The following MRAP2 variants were observed in gnomAD, a reference collection of about 807,000 sequenced individuals.
MRAP2 encodes the protein melanocortin 2 receptor accessory protein 2.
Under a neutral mutation model 17.4 loss-of-function variants are expected in MRAP2, and 20 were observed. The observed-to-expected ratio is 1.15, with a 90% CI of 0.81 to 1.67. The LOEUF (loss-of-function observed/expected upper bound fraction) is 1.67. Ranked by LOEUF, MRAP2 falls within the 40% of genes most tolerant of loss-of-function variation. MRAP2 has a pLI of 0.00. For synonymous variants in MRAP2, 96 were observed against 88.4 expected, an observed-to-expected ratio of 1.09 and a Z score of -0.48; for missense variants, 238 against 240.0, an observed-to-expected ratio of 0.99 and a Z score of 0.05.
At chr6:84,122,375 A>AAAAAAAC in the MRAP2 span, among the ~76,000 whole-genome samples, 1 of 148,220 alleles carries the variant, frequency 6.7e-6, no homozygotes, top group African/African-American at 2.6e-5. Context: ...AAAAAAAAAA[A>AAAAAAAC]AGCATCATGA....
intron 1 of MRAP2, 104 bp from the exon 2 acceptor site, chr6:84,055,208 G>T: frequency 4.4e-6 from 6 of 1,361,536 alleles, no homozygotes; most frequent in Non-Finnish European, 6.0e-6. Flanking sequence ...CCTCCTCAAG[G>T]GGTTTGCTGC....
rs534834204 is a variant in MRAP2, at chr6:84,069,206, C to T, written c.227+6214C>T. Among the ~76,000 whole-genome samples the T allele has an allele frequency of 2.5e-3, 379 of 152,128 alleles. 9 individuals are homozygous for T. Among genetic ancestry groups the T allele is most frequent in the Non-Finnish European group, 1.2e-3 (79 of 67,982 alleles). On this transcript the variant is annotated intron_variant, in intron 3 of 3. Transcript: ENST00000257776. ...TCTCGGAGGGAACTTTTCAGCTTTT[C>T]CCCACTCAGTATTATGTTGGCTGTG...
At chr6:84,052,269 G>C (rs1181002637) in intron 1 of MRAP2, among the ~76,000 whole-genome samples, 1 of 152,164 alleles carries the variant, frequency 6.6e-6, no homozygotes, top group Non-Finnish European at 1.5e-5. Context: ...TCAAGAGAGA[G>C]CAGCTGCCGG....
At chr6:84,109,882 G>A in the MRAP2 span, among the ~76,000 whole-genome samples, 3 of 152,064 alleles carry the variant, frequency 2.0e-5, no homozygotes, top group Non-Finnish European at 4.4e-5. Context: ...TTAGTTTGCT[G>A]AGAATGATGG....
the MRAP2 span, among the ~76,000 whole-genome samples, chr6:84,112,327 C>T: frequency 6.6e-6 from 1 of 151,556 alleles, no homozygotes; most frequent in Non-Finnish European, 1.5e-5. Context: ...CTGGTGTAGA[C>T]TTGGGAGACT....
chr6:84,077,059 C>A (rs2099497813), intron 3 of MRAP2, among the ~76,000 whole-genome samples: 1 of 152,168 alleles, frequency 6.6e-6, no homozygotes, highest in African/African-American at 2.4e-5. Context: ...TCACTGAGGT[C>A]TAATTAGTGC....
the MRAP2 span, among the ~76,000 whole-genome samples, chr6:84,142,618 A>G: frequency 6.6e-6 from 1 of 152,192 alleles, no homozygotes; most frequent in African/African-American, 2.4e-5. Flanking sequence ...TTAGTTTAAC[A>G]TTACTGATTT....
At chr6:84,112,591 T>A in the MRAP2 span, among the ~76,000 whole-genome samples, 1 of 152,220 alleles carries the variant, frequency 6.6e-6, no homozygotes, top group Non-Finnish European at 1.5e-5. Context: ...GGATTTTTTA[T>A]GTCTCTGTCT....
rs1488105349 is a variant in MRAP2, at chr6:84,089,333, A to G, written c.470A>G (p.Glu157Gly). Reference sequence around the variant, plus strand: ...AGAAGCAGTGGGCAGCCAGAGGAGGAGCTGAACAGGCTCATGAAGTTTGAC... The same window carrying G: ...AGAAGCAGTGGGCAGCCAGAGGAGGGGCTGAACAGGCTCATGAAGTTTGAC... ...AIRSSGQPEE[E>G]LNRLMKFDIP... Residue 157 changes from glutamate (E) to glycine (G), a missense_variant, in exon 4 of 4, where the codon GAG becomes GGG. Transcript: ENST00000257776. 2 of 1,614,200 alleles carry G rather than the reference A, an allele frequency of 1.2e-6. No individual in the cohort carries two copies. Among genetic ancestry groups the G allele is most frequent in the Middle Eastern group, 1.6e-4 (1 of 6,062 alleles).
chr6:84,131,712 C>A, the MRAP2 span, among the ~76,000 whole-genome samples: 1 of 152,136 alleles, frequency 6.6e-6, no homozygotes, highest in Admixed American at 6.5e-5. Context: ...CTTCCTCCAT[C>A]CCTTTATCTT....
At chr6:84,120,150 CAGA>C in the MRAP2 span, among the ~76,000 whole-genome samples, 48 of 152,288 alleles carry the variant, frequency 3.2e-4, no homozygotes, top group African/African-American at 1.1e-3. Context: ...TGTCCAAAAT[CAGA>C]AGAAGGGTGT....
chr6:84,055,490 C>T (rs777770015), intron 2 of MRAP2, 45 bp downstream of exon 2: 2 of 1,581,922 alleles, frequency 1.3e-6, no homozygotes, highest in Non-Finnish European at 1.7e-6. Flanking sequence ...TTGTATTTCT[C>T]TTAACCTGTG....
At chr6:84,114,979 A>G in the MRAP2 span, among the ~76,000 whole-genome samples, 5 of 152,198 alleles carry the variant, frequency 3.3e-5, no homozygotes, top group Non-Finnish European at 7.4e-5. Context: ...GTCAGATGCC[A>G]GCCAGAGCTC....
chr6:84,145,171 A>T, the MRAP2 span, among the ~76,000 whole-genome samples: 5 of 152,270 alleles, frequency 3.3e-5, no homozygotes, highest in South Asian at 1.0e-3. Flanking sequence ...AAGAAATGTC[A>T]CTTCCTGGCA....
the MRAP2 span, among the ~76,000 whole-genome samples, chr6:84,133,666 T>A: frequency 6.6e-6 from 1 of 152,172 alleles, no homozygotes; most frequent in Admixed American, 6.5e-5. Context: ...CTCTGAGCCA[T>A]GCGCGGGATA....
At chr6:84,134,949 C>T in the MRAP2 span, among the ~76,000 whole-genome samples, 4 of 151,266 alleles carry the variant, frequency 2.6e-5, no homozygotes, top group African/African-American at 9.7e-5. Context: ...CACACACACA[C>T]ACACACATAT....
At chr6:84,062,257 T>A in intron 2 of MRAP2, 1 of 305,904 alleles carries the variant, frequency 3.3e-6, no homozygotes, top group Non-Finnish European at 4.8e-6. Flanking sequence ...TCTCAGCTAA[T>A]CACAGCAGCT....
the MRAP2 span, among the ~76,000 whole-genome samples, chr6:84,110,682 A>G: frequency 5.9e-5 from 9 of 152,170 alleles, no homozygotes; most frequent in African/African-American, 1.9e-4. Context: ...GCCCATGCCT[A>G]TGTCCTGAAT....
chr6:84,140,219 A>G, the MRAP2 span, among the ~76,000 whole-genome samples: 1 of 152,162 alleles, frequency 6.6e-6, no homozygotes, highest in Non-Finnish European at 1.5e-5. Context: ...TTGTCTTAAT[A>G]AGAGACGGCA....
Sources: gnomAD v4.1 joint callset for allele counts (sites outside exome capture counted in the v4.1 genomes callset) on GRCh38, gnomAD v4.1.1 for gene constraint, MANE v1.5 for transcripts, NCBI Gene and HGNC (gene_info 2026-07-23, HGNC 2026-07-21) for gene names.